The following LYPD6 variants were observed in gnomAD, a reference collection of about 807,000 sequenced individuals.
The protein encoded by LYPD6 is LY6/PLAUR domain containing 6.
LYPD6 carries 15 observed loss-of-function variants against 22.7 expected under a neutral mutation model. That is an observed-to-expected ratio of 0.66 (90% CI 0.44 to 1.02). LYPD6 has a LOEUF of 1.02. Among genes scored for constraint, LYPD6 ranks in the 50% least tolerant of loss-of-function variants. The probability of loss-of-function intolerance (pLI) is 0.00; values close to 1 mark genes in which losing one functional copy is unlikely to be tolerated. For missense variants in LYPD6, 189 were observed against 208.4 expected (o/e 0.91, Z 0.57); for synonymous variants, 72 against 77.5 (o/e 0.93, Z 0.37).
Position 149,472,533 on chromosome 2 carries a change from A to G in LYPD6, c.*1683A>G, listed in dbSNP as rs542193843. 18 of 152,802 alleles carry G rather than the reference A, an allele frequency of 1.2e-4. No homozygotes were observed. The highest frequency in any genetic ancestry group is 4.3e-4 in the African/African-American group (18 of 41,600). The allele number at this position is 152,802 out of a possible 1,614,324, so 9.5% of individuals were successfully genotyped here. On this transcript the variant is annotated 3_prime_UTR_variant, in exon 5 of 5. Coordinates refer to ENST00000334166, the MANE Select transcript of LYPD6 (RefSeq NM_194317.5). ...CAGGGACTAAATATGAACTGACAGC[A>G]GTAACTCTGATACAGAATAATCTAA...
intron 1 of LYPD6, among the ~76,000 whole-genome samples, chr2:149,407,568 T>G (rs1026965191): frequency 6.6e-6 from 1 of 152,250 alleles, no homozygotes; most frequent in Non-Finnish European, 1.5e-5. Context: ...TCTGGAGCCT[T>G]GGCTTTCGGC....
chr2:149,440,943 G>C (rs1476493365), intron 2 of LYPD6, among the ~76,000 whole-genome samples: 1 of 151,760 alleles, frequency 6.6e-6, no homozygotes, highest in Non-Finnish European at 1.5e-5. Flanking sequence ...CTGACCTTGT[G>C]ATCTGCCCGC....
In LYPD6 at chr2:149,437,681, C is replaced by A; in HGVS notation, c.-28C>A. 1 of 1,613,238 alleles carries A rather than the reference C, an allele frequency of 6.2e-7. No individual in the cohort carries two copies. Among genetic ancestry groups the A allele is most frequent in the Non-Finnish European group, 8.5e-7 (1 of 1,179,668 alleles). The stretch of plus-strand genomic sequence containing the variant: ...TGCCCTGAGTGCCCACTCCCAGGCC[C>A]TCTGTATGAGTGACACTTCAGTCTG... On this transcript the variant is annotated 5_prime_UTR_variant, in exon 2 of 5. Transcript: ENST00000334166.
intron 1 of LYPD6, among the ~76,000 whole-genome samples, chr2:149,406,081 G>A (rs1207545089): frequency 6.6e-6 from 1 of 150,658 alleles, no homozygotes; most frequent in Non-Finnish European, 1.5e-5. Context: ...TAGTTTGATT[G>A]CACTGTGGTC....
At chr2:149,484,899 C>T in the LYPD6 span, among the ~76,000 whole-genome samples, 2 of 152,102 alleles carry the variant, frequency 1.3e-5, no homozygotes, top group Non-Finnish European at 2.9e-5. Context: ...ACTGCCCATG[C>T]CCAGACCACA....
chr2:149,434,185 A>G (rs915839243), intron 1 of LYPD6, among the ~76,000 whole-genome samples: 2 of 152,138 alleles, frequency 1.3e-5, no homozygotes, highest in African/African-American at 4.8e-5. Flanking sequence ...GGAGGGGGGA[A>G]GCATGTTTGA....
chr2:149,385,133 C>G (rs2105092007), intron 1 of LYPD6, among the ~76,000 whole-genome samples: 1 of 152,192 alleles, frequency 6.6e-6, no homozygotes, highest in Admixed American at 6.5e-5. Flanking sequence ...CCCTTTGTTT[C>G]CCTTCTGATT....
rs530038376 is a variant in LYPD6 at position 149,379,390 on chromosome 2, C to A, written c.-72+48668C>A. 2.0e-5 allele frequency among the ~76,000 whole-genome samples: 3 copies of A among 152,272 alleles called. No homozygotes were observed. The South Asian group carries it at 6.2e-4, about 32-fold the overall frequency. On this transcript the variant is annotated intron_variant, in intron 1 of 4. Transcript: ENST00000334166. Reference sequence around the variant, plus strand: ...AAGCCTGAGGTTTACAAACCACTTACCTTAAATGTTTACGCTTAAATTTTA... The same window carrying A: ...AAGCCTGAGGTTTACAAACCACTTAACTTAAATGTTTACGCTTAAATTTTA...
intron 1 of LYPD6, among the ~76,000 whole-genome samples, chr2:149,346,945 C>T (rs921622268): frequency 2.0e-5 from 3 of 152,120 alleles, no homozygotes; most frequent in Non-Finnish European, 2.9e-5. Flanking sequence ...ATGATCCGCC[C>T]GCCTTGGCCT....
chr2:149,397,608 G>T (rs1398760290), intron 1 of LYPD6, among the ~76,000 whole-genome samples: 4 of 152,176 alleles, frequency 2.6e-5, no homozygotes, highest in Admixed American at 6.5e-5. Context: ...CTAGAATCTG[G>T]CACTGAATGA....
At chr2:149,367,640 A>G (rs1681704920) in intron 1 of LYPD6, 1 of 152,190 alleles carries the variant, frequency 6.6e-6, no homozygotes, top group African/African-American at 2.4e-5. Flanking sequence ...AAATATTTAC[A>G]AAACCTTTGT....
At position 149,471,409 on chromosome 2, in the gene LYPD6, C is replaced by T. The variant is rs1234923945; in HGVS notation, c.*559C>T. ...CCATTTGTTCAATTAATTTTCCCAACATTCTTCTCCCAGTGCTGGGAATCA... is the reference window on the plus strand; with the variant it reads ...CCATTTGTTCAATTAATTTTCCCAATATTCTTCTCCCAGTGCTGGGAATCA... On this transcript the variant is annotated 3_prime_UTR_variant, in exon 5 of 5. Transcript: ENST00000334166. The T allele has an allele frequency of 6.6e-6, 1 of 152,202 alleles. No homozygotes were observed. Among genetic ancestry groups the T allele is most frequent in the Non-Finnish European group, 1.5e-5 (1 of 68,068 alleles). The allele number at this position is 152,202 out of a possible 1,614,324, so 9.4% of individuals were successfully genotyped here. A position where few individuals can be genotyped will look rare whatever the true frequency, so the allele number is the denominator to read the frequency against.
chr2:149,448,461 C>T (rs1443068189), intron 2 of LYPD6, among the ~76,000 whole-genome samples: 1 of 152,126 alleles, frequency 6.6e-6, no homozygotes, highest in African/African-American at 2.4e-5. Flanking sequence ...GTATCCTCCA[C>T]CAGAGTTGAG....
intron 1 of LYPD6, among the ~76,000 whole-genome samples, chr2:149,360,191 G>C (rs554797975): frequency 6.6e-6 from 1 of 152,222 alleles, no homozygotes; most frequent in Non-Finnish European, 1.5e-5. Flanking sequence ...ATAATGAGCA[G>C]TGAGGACGAC....
At chr2:149,392,918 T>C (rs1250891492) in intron 1 of LYPD6, among the ~76,000 whole-genome samples, 1 of 152,130 alleles carries the variant, frequency 6.6e-6, no homozygotes, top group Non-Finnish European at 1.5e-5. Flanking sequence ...TTCCAGCTAC[T>C]TGGGAGGCTG....
At chr2:149,340,695 C>T (rs530908326) in intron 1 of LYPD6, among the ~76,000 whole-genome samples, 3 of 152,288 alleles carry the variant, frequency 2.0e-5, no homozygotes, top group African/African-American at 7.2e-5. Context: ...TGTGTAGGAA[C>T]CAACATATAG....
intron 1 of LYPD6, among the ~76,000 whole-genome samples, chr2:149,333,130 T>C (rs1680970712): frequency 6.6e-6 from 1 of 152,166 alleles, no homozygotes; most frequent in South Asian, 2.1e-4. Flanking sequence ...ATGACTTAAA[T>C]AAAATCAGAA....
At chr2:149,346,796 G>T (rs762617056) in intron 1 of LYPD6, among the ~76,000 whole-genome samples, 5 of 152,194 alleles carry the variant, frequency 3.3e-5, no homozygotes, top group African/African-American at 4.8e-5. Flanking sequence ...CGCCTCCCGG[G>T]TTCTAGCGGT....
At position 149,431,553 on chromosome 2, in the gene LYPD6, C is replaced by T. The variant is rs72992923; in HGVS notation, c.-71-6085C>T. ...AATACTAATAGAGTGAGTGGTGCTTCATGATTTACTGCAGGAATGTAAACA... is the reference window on the plus strand; with the variant it reads ...AATACTAATAGAGTGAGTGGTGCTTTATGATTTACTGCAGGAATGTAAACA... On this transcript the variant is annotated intron_variant, in intron 1 of 4. Coordinates refer to ENST00000334166, the MANE Select transcript of LYPD6 (RefSeq NM_194317.5). Among the ~76,000 whole-genome samples, 564 of 152,278 alleles carry T rather than the reference C, an allele frequency of 3.7e-3. 4 individuals carry two copies. Among genetic ancestry groups the T allele is most frequent in the African/African-American group, 0.013 (528 of 41,550 alleles).
Sources: allele counts gnomAD v4.1 joint callset (sites outside exome capture counted in the v4.1 genomes callset), GRCh38; gene constraint gnomAD v4.1.1; transcripts MANE v1.5; gene names NCBI Gene and HGNC (gene_info 2026-07-23, HGNC 2026-07-21).